Variants in MRPL1 observed in about 807,000 individuals in gnomAD.
MRPL1 encodes large ribosomal subunit protein uL1m.
Under a neutral mutation model 38.0 loss-of-function variants are expected in MRPL1, and 28 were observed. The ratio of observed to expected loss-of-function variants is 0.74; its 90% CI spans 0.55 to 1.01. The LOEUF is 1.01. MRPL1 is among the 50% of genes least tolerant of loss of function. MRPL1 has a pLI of 0.00. For missense variants in MRPL1, 358 were observed against 389.8 expected, an observed-to-expected ratio of 0.92 and a Z score of 0.69; for synonymous variants, 123 against 126.7, an observed-to-expected ratio of 0.97 and a Z score of 0.20.
At chr4:77,901,156 C>G (rs947628424) in intron 6 of MRPL1, among the ~76,000 whole-genome samples, 1 of 152,028 alleles carries the variant, frequency 6.6e-6, no homozygotes, top group African/African-American at 2.4e-5. Context: ...GCTGGCGCAA[C>G]TTTATTTTGT....
At chr4:77,933,452 G>A (rs542950275) in intron 7 of MRPL1, among the ~76,000 whole-genome samples, 1 of 152,120 alleles carries the variant, frequency 6.6e-6, no homozygotes, top group African/African-American at 2.4e-5. Context: ...CCAGAAGTAC[G>A]GGGGAGATCA....
intron 7 of MRPL1, among the ~76,000 whole-genome samples, chr4:77,912,537 A>G (rs1459432405): frequency 6.6e-6 from 1 of 152,192 alleles, no homozygotes; most frequent in African/African-American, 2.4e-5. Flanking sequence ...ACTTTAAAAC[A>G]TGGTTAAGAA....
At chr4:77,914,053 T>G (rs1423553285) in intron 7 of MRPL1, among the ~76,000 whole-genome samples, 2 of 152,166 alleles carry the variant, frequency 1.3e-5, no homozygotes, top group East Asian at 3.8e-4. Flanking sequence ...GATTGTTGCA[T>G]GTGTGTATAC....
intron 8 of MRPL1, among the ~76,000 whole-genome samples, chr4:77,952,174 C>T (rs914157767): frequency 1.3e-5 from 2 of 152,188 alleles, no homozygotes; most frequent in African/African-American, 4.8e-5. Context: ...GATTCACCCA[C>T]AGTTGGGTAA....
chr4:77,942,466 A>G (rs1737158954), intron 7 of MRPL1, among the ~76,000 whole-genome samples: 1 of 152,090 alleles, frequency 6.6e-6, no homozygotes, highest in South Asian at 2.1e-4. Context: ...TGGAGTTTTG[A>G]AATCTGCCAC....
intron 2 of MRPL1, 83 bp downstream of exon 2, chr4:77,871,938 AC>A: frequency 1.2e-6 from 1 of 866,456 alleles, no homozygotes; most frequent in South Asian, 1.5e-5. Context: ...ATAAAGATTT[AC>A]CAGGACATAT....
chr4:77,897,310 T>C (rs1159544705), intron 6 of MRPL1, among the ~76,000 whole-genome samples: 1 of 152,058 alleles, frequency 6.6e-6, no homozygotes, highest in East Asian at 1.9e-4. Context: ...TGCTTCAGCC[T>C]CCTAAAGTGC....
intron 6 of MRPL1, chr4:77,907,231 A>C: frequency 1.1e-6 from 1 of 897,892 alleles, no homozygotes; most frequent in Non-Finnish European, 1.3e-6. Context: ...GTATAGTGGA[A>C]TATACCATAT....
At chr4:77,906,556 G>A (rs1219688981) in intron 6 of MRPL1, among the ~76,000 whole-genome samples, 1 of 152,138 alleles carries the variant, frequency 6.6e-6, no homozygotes, top group Non-Finnish European at 1.5e-5. Context: ...TTTTATGGGT[G>A]AGTAGAAGTG....
chr4:77,869,740 C>A (rs1344232235), intron 1 of MRPL1, among the ~76,000 whole-genome samples: 1 of 152,072 alleles, frequency 6.6e-6, no homozygotes, highest in Non-Finnish European at 1.5e-5. Flanking sequence ...CAGGCATGCA[C>A]CAACACACTC....
intron 2 of MRPL1, among the ~76,000 whole-genome samples, chr4:77,872,706 T>C (rs1735310491): frequency 6.6e-6 from 1 of 152,034 alleles, no homozygotes; most frequent in African/African-American, 2.4e-5. Flanking sequence ...CTGCTGAAAC[T>C]ACAAAAATTG....
In MRPL1 at chr4:77,863,001, G is replaced by C. The variant is rs571058719; in HGVS notation, c.31+122G>C. ...TGCCTCGTGCTGTTTCTGGTCTCTA[G>C]GTTTTTCAGAGGGTGGGTCATTACT... On this transcript the variant is annotated intron_variant, in intron 1 of 8. Transcript: ENST00000315567. 984 of 1,264,670 alleles carry C rather than the reference G, an allele frequency of 7.8e-4. 1 individual carries two copies. The highest frequency in any genetic ancestry group is 9.5e-4 in the Non-Finnish European group (839 of 878,842). 78.3% of individuals were successfully genotyped at this position (1,264,670 alleles called of 1,614,324 possible). A position where few individuals can be genotyped will look rare whatever the true frequency, so the allele number is the denominator to read the frequency against.
At chr4:77,901,249 TACTC>T (rs896256215) in intron 6 of MRPL1, among the ~76,000 whole-genome samples, 3 of 152,182 alleles carry the variant, frequency 2.0e-5, no homozygotes, top group African/African-American at 4.8e-5. Flanking sequence ...AAGTAAAACA[TACTC>T]ACACAAATAA....
intron 2 of MRPL1, among the ~76,000 whole-genome samples, chr4:77,879,099 T>C (rs1735471141): frequency 6.6e-6 from 1 of 152,188 alleles, no homozygotes; most frequent in South Asian, 2.1e-4. Flanking sequence ...ATCTTTCTAG[T>C]ATGATTTATT....
intron 6 of MRPL1, among the ~76,000 whole-genome samples, chr4:77,898,939 T>C (rs1735976618): frequency 6.6e-6 from 1 of 152,038 alleles, no homozygotes; most frequent in African/African-American, 2.4e-5. Flanking sequence ...ACAGTTTTGT[T>C]TTCTGCAGTA....
chr4:77,886,537 T>C (rs1735679949), intron 4 of MRPL1, among the ~76,000 whole-genome samples: 1 of 152,128 alleles, frequency 6.6e-6, no homozygotes, highest in South Asian at 2.1e-4. Context: ...TTTCTCCACG[T>C]TGGTCAGGCT....
intron 5 of MRPL1, among the ~76,000 whole-genome samples, chr4:77,889,926 C>T (rs1735770355): frequency 6.6e-6 from 1 of 152,048 alleles, no homozygotes; most frequent in Admixed American, 6.6e-5. Context: ...CAAGACTAAA[C>T]CAGGAAGAAG....
At chr4:77,941,303 C>T (rs1737127960) in intron 7 of MRPL1, among the ~76,000 whole-genome samples, 1 of 149,660 alleles carries the variant, frequency 6.7e-6, no homozygotes, top group South Asian at 2.1e-4. Flanking sequence ...CATCTATATT[C>T]GTCAGAGATA....
chr4:77,947,026 A>AAAG (rs1553908982), intron 7 of MRPL1, among the ~76,000 whole-genome samples: 2 of 149,356 alleles, frequency 1.3e-5, no homozygotes, highest in Non-Finnish European at 1.5e-5. Context: ...AAAAAAAAAA[A>AAAG]GTTAAGAACC....
Sources: allele counts gnomAD v4.1 joint callset (sites outside exome capture counted in the v4.1 genomes callset), GRCh38; gene constraint gnomAD v4.1.1; transcripts MANE v1.5; gene names NCBI Gene and HGNC (gene_info 2026-07-23, HGNC 2026-07-21).